The following ANO6 variants were observed in gnomAD, a reference collection of about 807,000 sequenced individuals.
ANO6 encodes anoctamin 6, also known as anoctamin-6.
ANO6 carries 106 observed loss-of-function variants against 117.5 expected under a neutral mutation model. That is an observed-to-expected ratio of 0.90 (90% CI 0.77 to 1.06). The LOEUF is 1.06. ANO6 is among the 50% of genes least tolerant of loss of function. ANO6 has a pLI of 0.00. For missense variants in ANO6, 955 were observed against 1,121.1 expected, an observed-to-expected ratio of 0.85 and a Z score of 2.12; for synonymous variants, 367 against 385.1, an observed-to-expected ratio of 0.95 and a Z score of 0.55.
At chr12:45,373,670 A>G (rs1424700392) in intron 9 of ANO6, among the ~76,000 whole-genome samples, 1 of 152,232 alleles carries the variant, frequency 6.6e-6, no homozygotes, top group African/African-American at 2.4e-5. Context: ...CAATGAGAAC[A>G]AAGACACAAC....
intron 8 of ANO6, among the ~76,000 whole-genome samples, chr12:45,362,603 CTT>C (rs1565719681): frequency 1.3e-5 from 2 of 151,726 alleles, no homozygotes; most frequent in East Asian, 1.9e-4. Context: ...CTTTTTGTCT[CTT>C]GTTTTTCTAT....
At chr12:45,298,244 C>T (rs1939360264) in intron 1 of ANO6, among the ~76,000 whole-genome samples, 1 of 152,170 alleles carries the variant, frequency 6.6e-6, no homozygotes, top group African/African-American at 2.4e-5. Context: ...GAAGATAGTA[C>T]TTTTGCTGTA....
intron 1 of ANO6, among the ~76,000 whole-genome samples, chr12:45,236,150 G>T (rs1238691766): frequency 6.6e-6 from 1 of 152,216 alleles, no homozygotes; most frequent in African/African-American, 2.4e-5. Context: ...TTTTCAAAAA[G>T]TGATAAATTC....
At chr12:45,324,574 G>A (rs1940398499) in intron 2 of ANO6, among the ~76,000 whole-genome samples, 1 of 152,162 alleles carries the variant, frequency 6.6e-6, no homozygotes, top group Admixed American at 6.5e-5. Flanking sequence ...GCACTCTTGA[G>A]TAGCTGAAAA....
At chr12:45,371,399 C>A (rs975737281) in intron 9 of ANO6, among the ~76,000 whole-genome samples, 1 of 152,228 alleles carries the variant, frequency 6.6e-6, no homozygotes, top group Non-Finnish European at 1.5e-5. Flanking sequence ...GGCTCCACCT[C>A]TGGGGGCAGG....
chr12:45,372,685 C>G (rs1941880035), intron 9 of ANO6, among the ~76,000 whole-genome samples: 2 of 151,964 alleles, frequency 1.3e-5, no homozygotes, highest in Admixed American at 6.5e-5. Context: ...ACCACCAGGC[C>G]TGCCCTAAAA....
intron 1 of ANO6, among the ~76,000 whole-genome samples, chr12:45,262,247 G>A (rs1323725173): frequency 6.6e-6 from 1 of 152,012 alleles, no homozygotes. Flanking sequence ...TTAGACCTAT[G>A]GTATCCTGCC....
At chr12:45,305,048 C>A (rs1438243738) in intron 2 of ANO6, among the ~76,000 whole-genome samples, 1 of 152,164 alleles carries the variant, frequency 6.6e-6, no homozygotes, top group African/African-American at 2.4e-5. Flanking sequence ...AGCTCCTGCC[C>A]CACTTTGCAG....
At chr12:45,349,253 G>T (rs946760862) in intron 6 of ANO6, among the ~76,000 whole-genome samples, 1 of 152,038 alleles carries the variant, frequency 6.6e-6, no homozygotes, top group Non-Finnish European at 1.5e-5. Flanking sequence ...TTTGGAATAC[G>T]ATTTTCAAAC....
intron 1 of ANO6, among the ~76,000 whole-genome samples, chr12:45,271,688 G>C (rs578119757): frequency 6.6e-6 from 1 of 152,306 alleles, no homozygotes; most frequent in African/African-American, 2.4e-5. Flanking sequence ...AGCTGTACCA[G>C]AGACTTTTCT....
At chr12:45,229,867 C>T (rs554634737) in intron 1 of ANO6, among the ~76,000 whole-genome samples, 3 of 147,038 alleles carry the variant, frequency 2.0e-5, no homozygotes, top group Admixed American at 6.8e-5. Flanking sequence ...CACAACTTCC[C>T]GCCCACCCCC....
At chr12:45,274,379 C>G (rs1323303447) in intron 1 of ANO6, among the ~76,000 whole-genome samples, 1 of 152,078 alleles carries the variant, frequency 6.6e-6, no homozygotes, top group Non-Finnish European at 1.5e-5. Flanking sequence ...TTGTTTTAAC[C>G]TATGCAGTGA....
rs897437236 is a variant in ANO6, at chr12:45,403,079, A to G, written c.1620A>G (p.Pro540=). The G allele has an allele frequency of 6.2e-7, 1 of 1,613,904 alleles. No individual in the cohort carries two copies. The highest frequency in any genetic ancestry group is 1.3e-5 in the African/African-American group (1 of 75,044). Residue 540 remains proline, a synonymous_variant, in exon 14 of 20, where the codon CCA becomes CCG. Coordinates refer to ENST00000320560, the MANE Select transcript of ANO6 (RefSeq NM_001025356.3). ...TCTTTCTTTTAACTACAGAACTCCCAAGGACCCAGACTGATTATGAGAACA... is the reference window on the plus strand; with the variant it reads ...TCTTTCTTTTAACTACAGAACTCCCGAGGACCCAGACTGATTATGAGAACA... ...VAIMITNFEL[P]RTQTDYENSL... is the part of the protein sequence containing the mutation.
chr12:45,238,251 A>G (rs1420924643), intron 1 of ANO6, among the ~76,000 whole-genome samples: 1 of 151,032 alleles, frequency 6.6e-6, no homozygotes, highest in Non-Finnish European at 1.5e-5. Flanking sequence ...CCCGGGTTCA[A>G]GTGATTCTCC....
At chr12:45,399,956 A>AC in intron 12 of ANO6, among the ~76,000 whole-genome samples, 1 of 152,346 alleles carries the variant, frequency 6.6e-6, no homozygotes, top group African/African-American at 2.4e-5. Context: ...TATGGGAAGC[A>AC]CCCCAAAGAA....
At chr12:45,429,011 A>G in intron 19 of ANO6, 94 bp from the exon 20 acceptor site, 1 of 1,474,942 alleles carries the variant, frequency 6.8e-7, no homozygotes. Context: ...TGCCTTGTCC[A>G]GATAAACTGC....
chr12:45,426,534 C>A (rs1943507584), intron 19 of ANO6, among the ~76,000 whole-genome samples: 1 of 152,124 alleles, frequency 6.6e-6, no homozygotes, highest in Admixed American at 6.5e-5. Context: ...CTGCTCTTGC[C>A]AAAGTTAGCA....
chr12:45,386,765 G>T (rs1942310620), intron 10 of ANO6, among the ~76,000 whole-genome samples: 1 of 152,218 alleles, frequency 6.6e-6, no homozygotes, highest in African/African-American at 2.4e-5. Flanking sequence ...GCAGTTTTGG[G>T]AAAGTACCTG....
In ANO6 at chr12:45,310,127, AT is replaced by A. The variant is rs541568867; in HGVS notation, c.150+8037del. Reference sequence around the variant, plus strand: ...TGTATGTGGCTGAGTCAAAAGCTAAATTTATGGATTTGTTAGGATTGGGGAG... The same window carrying A: ...TGTATGTGGCTGAGTCAAAAGCTAAATTATGGATTTGTTAGGATTGGGGAG... On this transcript the variant is annotated intron_variant, in intron 2 of 19. Transcript: ENST00000320560. Among the ~76,000 whole-genome samples the A allele has an allele frequency of 2.1e-4, 32 of 152,218 alleles. No individual in the cohort carries two copies. In the East Asian group the frequency reaches 6.2e-3, roughly 29 times the overall value.
Sources: allele counts gnomAD v4.1 joint callset (sites outside exome capture counted in the v4.1 genomes callset), GRCh38; gene constraint gnomAD v4.1.1; transcripts MANE v1.5; gene names NCBI Gene and HGNC (gene_info 2026-07-23, HGNC 2026-07-21).